CBLL1: variants seen among roughly 807,000 people sequenced by gnomAD.
CBLL1 encodes Cbl proto-oncogene like 1, also known as E3 ubiquitin-protein ligase Hakai.
In CBLL1, 4 loss-of-function variants were observed where a neutral mutation model predicts 44.9. That is an observed-to-expected ratio of 0.09 (90% CI 0.04 to 0.20). The LOEUF is 0.20. Among genes scored for constraint, CBLL1 ranks in the 10% least tolerant of loss-of-function variants. CBLL1 has a pLI of 1.00. For missense variants in CBLL1, 569 were observed against 636.7 expected (o/e 0.89, Z 1.14); for synonymous variants, 235 against 202.2 (o/e 1.16, Z -1.38).
chr7:107,755,511 A>G lies in CBLL1; in HGVS notation c.440+20A>G. On this transcript the variant is annotated intron_variant, in intron 5 of 5. Transcript: ENST00000440859. Reference sequence around the variant, plus strand: ...TCCAGGGTAAGATAAGATTATCATTACCTTTTTTAAATAATAAAGTTTTAG... The same window carrying G: ...TCCAGGGTAAGATAAGATTATCATTGCCTTTTTTAAATAATAAAGTTTTAG... 1 of 1,396,578 alleles carries G rather than the reference A, an allele frequency of 7.2e-7. No homozygotes were observed. Among genetic ancestry groups the G allele is most frequent in the Non-Finnish European group, 9.9e-7 (1 of 1,012,570 alleles). 86.5% of individuals were successfully genotyped at this position (1,396,578 alleles called of 1,614,324 possible). A position where few individuals can be genotyped will look rare whatever the true frequency, so the allele number is the denominator to read the frequency against.
intron 5 of CBLL1, among the ~76,000 whole-genome samples, chr7:107,755,957 CAT>C (rs1196205649): frequency 2.0e-5 from 3 of 151,902 alleles, no homozygotes; most frequent in Non-Finnish European, 4.4e-5. Context: ...ATATATATAA[CAT>C]ATGTACACAG....
intron 1 of CBLL1, among the ~76,000 whole-genome samples, chr7:107,747,678 TA>T (rs1363940701): frequency 1.3e-5 from 2 of 152,226 alleles, no homozygotes; most frequent in East Asian, 3.8e-4. Context: ...ATAAGAGTAG[TA>T]AGTAGATTAA....
chr7:107,758,000 G>T, intron 5 of CBLL1, 143 bp from the exon 6 acceptor site: 1 of 757,816 alleles, frequency 1.3e-6, no homozygotes, highest in Non-Finnish European at 2.1e-6. Flanking sequence ...AAAGGTTTGC[G>T]TAGAATAACT....
In CBLL1 at chr7:107,758,992, C is replaced by G. The variant is rs765690554; in HGVS notation, c.1290C>G (p.Pro430=). Residue 430 remains proline, a synonymous_variant, in exon 6 of 6, where the codon CCC becomes CCG. Coordinates refer to ENST00000440859, the MANE Select transcript of CBLL1 (RefSeq NM_024814.4). The surrounding 1 kb of genome is among the most constrained non-coding windows in gnomAD (Gnocchi z 4.2). ...ACCATTATAATCCTAACTCATTACC[C>G]CAGTTCACTGAAGATCAAGGAACTC... ...PPHHYNPNSL[P]QFTEDQGTLS... The G allele has an allele frequency of 5.6e-6, 9 of 1,613,988 alleles. No homozygotes were observed. The highest frequency in any genetic ancestry group is 4.5e-5 in the East Asian group (2 of 44,874).
chr7:107,748,964 A>G lies in CBLL1; in HGVS notation c.98A>G (p.Lys33Arg), dbSNP rs778446375. 1.2e-6 allele frequency: 2 copies of G among 1,614,182 alleles called. No individual in the cohort carries two copies. Among genetic ancestry groups the G allele is most frequent in the East Asian group, 4.5e-5 (2 of 44,878 alleles). The change falls in exon 2 of 6, where the codon AAA (lysine) becomes AGA (arginine). Residue 33 changes from lysine (K) to arginine (R), a missense_variant. By Grantham distance (26) the Lys-to-Arg change is conservative. Coordinates refer to ENST00000440859, the MANE Select transcript of CBLL1 (RefSeq NM_024814.4). Reference protein sequence around the residue: ...RRRIPIKLISKQANKAKPAPR... With the variant: ...RRRIPIKLISRQANKAKPAPR... Reference sequence around the variant, plus strand: ...CGAATTCCTATAAAGCTCATCTCCAAACAAGCAAACAAAGCGAAACCTGCA... The same window carrying G: ...CGAATTCCTATAAAGCTCATCTCCAGACAAGCAAACAAAGCGAAACCTGCA...
Position 107,758,958 on chromosome 7 carries a change from C to G in CBLL1, c.1256C>G (p.Pro419Arg). The G allele has an allele frequency of 6.2e-7, 1 of 1,613,624 alleles. No individual in the cohort carries two copies. Among genetic ancestry groups the G allele is most frequent in the South Asian group, 1.1e-5 (1 of 91,026 alleles). ...PQHGGPPVTA[P>R]PPHHYNPNSL... Reference sequence around the variant, plus strand: ...CATGGTGGTCCACCTGTAACTGCACCCCCTCCTCACCATTATAATCCTAAC... The same window carrying G: ...CATGGTGGTCCACCTGTAACTGCACGCCCTCCTCACCATTATAATCCTAAC... Residue 419 changes from proline (P) to arginine (R), a missense_variant, in exon 6 of 6, where the codon CCC (proline) becomes CGC (arginine). By Grantham distance (103) the Pro-to-Arg change is moderately radical. Coordinates refer to ENST00000440859, the MANE Select transcript of CBLL1 (RefSeq NM_024814.4). This position sits in a 1 kb window ranked among gnomAD's most constrained non-coding sequence, Gnocchi z 4.2.
chr7:107,751,990 G>C (rs1223763846), intron 2 of CBLL1, among the ~76,000 whole-genome samples: 1 of 152,032 alleles, frequency 6.6e-6, no homozygotes, highest in Non-Finnish European at 1.5e-5. Flanking sequence ...ATGAGGTCAG[G>C]AGATTGAGAC....
At chr7:107,753,322 G>C (rs1467909252) in intron 2 of CBLL1, 89 bp from the exon 3 acceptor site, 1 of 767,892 alleles carries the variant, frequency 1.3e-6, no homozygotes, top group Non-Finnish European at 2.1e-6. Context: ...GAGCTTTTTA[G>C]TGAAAAGGTC....
Position 107,753,446 on chromosome 7 carries a change from T to C in CBLL1, c.217T>C (p.Cys73Arg), listed in dbSNP as rs1793394453. ...TTATAATGAAGAAGAACGGTATGAC[T>C]GTAAAGGGGGTGAGCTGTTTGCAAA... is the stretch of plus-strand genomic sequence containing the variant. The part of the protein sequence containing the change: ...FDYNEEERYD[C>R]KGGELFANQR... The change falls in exon 3 of 6, where the codon TGT becomes CGT. Residue 73 changes from cysteine (C) to arginine (R), a missense_variant. Cys to Arg is a radical substitution (Grantham distance 180, BLOSUM62 -3). Coordinates refer to ENST00000440859, the MANE Select transcript of CBLL1 (RefSeq NM_024814.4). 2 of 1,592,564 alleles carry C rather than the reference T, an allele frequency of 1.3e-6. No individual in the cohort carries two copies. The highest frequency in any genetic ancestry group is 1.7e-6 in the Non-Finnish European group (2 of 1,172,468).
intron 2 of CBLL1, 49 bp downstream of exon 2, chr7:107,749,096 T>G (rs1793148432): frequency 6.4e-7 from 1 of 1,556,998 alleles, no homozygotes; most frequent in Non-Finnish European, 8.8e-7. Context: ...TTTATCTGAT[T>G]GCTTCGGACA....
Position 107,744,325 on chromosome 7 carries a change from C to T in CBLL1, c.13+149C>T, listed in dbSNP as rs115897298. 28 of 999,844 alleles carry T rather than the reference C, an allele frequency of 2.8e-5. No homozygotes were observed. In the African/African-American group the frequency reaches 3.2e-4, roughly 12 times the overall value. 61.9% of individuals were successfully genotyped at this position (999,844 alleles called of 1,614,324 possible). On this transcript the variant is annotated intron_variant, in intron 1 of 5. Coordinates refer to ENST00000440859, the MANE Select transcript of CBLL1 (RefSeq NM_024814.4). ...AATCTCACAGATGCCTTCCTGTGCC[C>T]GGCAGGGGCCTGCGGTTTCCTGGCC...
chr7:107,750,911 A>G (rs1029140977), intron 2 of CBLL1, among the ~76,000 whole-genome samples: 1 of 152,110 alleles, frequency 6.6e-6, no homozygotes, highest in Admixed American at 6.5e-5. Context: ...TTAGCATTTC[A>G]CAGAAAAAGT....
At chr7:107,757,803 G>C (rs1279547582) in intron 5 of CBLL1, among the ~76,000 whole-genome samples, 1 of 152,078 alleles carries the variant, frequency 6.6e-6, no homozygotes, top group African/African-American at 2.4e-5. Flanking sequence ...CTACCCGTTG[G>C]TTTTTTTCTT....
At chr7:107,749,529 T>A (rs1272403721) in intron 2 of CBLL1, among the ~76,000 whole-genome samples, 2 of 152,026 alleles carry the variant, frequency 1.3e-5, no homozygotes, top group African/African-American at 4.8e-5. Context: ...CAAAAAACAT[T>A]GCACCAAATA....
Position 107,761,304 on chromosome 7 carries a change from T to C in CBLL1, c.*2126T>C, listed in dbSNP as rs1052223525. On this transcript the variant is annotated 3_prime_UTR_variant, in exon 6 of 6. Coordinates refer to ENST00000440859, the MANE Select transcript of CBLL1 (RefSeq NM_024814.4). The stretch of plus-strand genomic sequence containing the variant: ...ATCAGTATCATGATAAAATTTTGAA[T>C]TAAGAGAACCCTTGTAGAGTTTTTA... 6.6e-6 allele frequency: 1 copy of C among 152,124 alleles called. No individual in the cohort carries two copies. Among genetic ancestry groups the C allele is most frequent in the Non-Finnish European group, 1.5e-5 (1 of 67,896 alleles). 9.4% of individuals were successfully genotyped at this position (152,124 alleles called of 1,614,324 possible). A position where few individuals can be genotyped will look rare whatever the true frequency, so the allele number is the denominator to read the frequency against.
Position 107,759,365 on chromosome 7 carries a change from A to G in CBLL1, c.*187A>G, listed in dbSNP as rs901010925. 20 of 528,454 alleles carry G rather than the reference A, an allele frequency of 3.8e-5. No homozygotes were observed. The highest frequency in any genetic ancestry group is 6.2e-5 in the Non-Finnish European group (19 of 304,442). 32.7% of individuals were successfully genotyped at this position (528,454 alleles called of 1,614,324 possible). A position where few individuals can be genotyped will look rare whatever the true frequency, so the allele number is the denominator to read the frequency against. On this transcript the variant is annotated 3_prime_UTR_variant, in exon 6 of 6. Coordinates refer to ENST00000440859, the MANE Select transcript of CBLL1 (RefSeq NM_024814.4). ...TTGATTTCAAGTACCATACTGTAGT[A>G]CAGATAAGTGGCTCAGTTGAGCACA...
intron 5 of CBLL1, among the ~76,000 whole-genome samples, chr7:107,756,010 A>G (rs922939293): frequency 6.6e-6 from 1 of 152,212 alleles, no homozygotes; most frequent in Non-Finnish European, 1.5e-5. Flanking sequence ...AGCACTGTAT[A>G]TATAAGCTCT....
chr7:107,745,051 T>C (rs1246386242), intron 1 of CBLL1, among the ~76,000 whole-genome samples: 1 of 152,188 alleles, frequency 6.6e-6, no homozygotes, highest in Non-Finnish European at 1.5e-5. Flanking sequence ...TGTTTATTTA[T>C]GTAGGTGTGT....
intron 1 of CBLL1, 77 bp downstream of exon 1, chr7:107,744,253 A>G: frequency 6.9e-7 from 1 of 1,455,904 alleles, no homozygotes; most frequent in Non-Finnish European, 9.2e-7. Context: ...CAGCAGGCAA[A>G]AGGGATTATG....
Sources: gnomAD v4.1 joint callset for allele counts (sites outside exome capture counted in the v4.1 genomes callset) on GRCh38, gnomAD v4.1.1 for gene constraint, Gnocchi (gnomAD v3.1) non-coding constraint, MANE v1.5 for transcripts, NCBI Gene and HGNC (gene_info 2026-07-23, HGNC 2026-07-21) for gene names.